ARHGAP29: variants seen among roughly 807,000 people sequenced by gnomAD.
ARHGAP29 encodes the protein Rho GTPase activating protein 29.
Under a neutral mutation model 122.6 loss-of-function variants are expected in ARHGAP29, and 43 were observed. That is an observed-to-expected ratio of 0.35 (90% CI 0.27 to 0.45). The LOEUF (loss-of-function observed/expected upper bound fraction) is 0.45, where lower values mean the gene tolerates loss of function less well. ARHGAP29 is among the 20% of genes least tolerant of loss of function. ARHGAP29 has a pLI of 1.00. For synonymous variants in ARHGAP29, 506 were observed against 497.1 expected (o/e 1.02, Z -0.24); for missense variants, 1,303 against 1,477.2 (o/e 0.88, Z 1.93).
the ARHGAP29 span, among the ~76,000 whole-genome samples, chr1:94,292,956 T>G: frequency 1.2e-4 from 18 of 152,308 alleles, no homozygotes; most frequent in African/African-American, 4.1e-4. Context: ...TATTGGACCT[T>G]GAACGCCATG....
chr1:94,244,860 T>C (rs1427046171), intron 1 of ARHGAP29, among the ~76,000 whole-genome samples: 1 of 152,144 alleles, frequency 6.6e-6, no homozygotes, highest in African/African-American at 2.4e-5. Flanking sequence ...TGACAAAGAA[T>C]TTGTAACCAA....
intron 12 of ARHGAP29, chr1:94,191,081 T>A (rs985271299): frequency 6.6e-6 from 1 of 152,098 alleles, no homozygotes; most frequent in African/African-American, 2.4e-5. Context: ...AAGAAAGAGA[T>A]GAAAGGTCAA....
intron 3 of ARHGAP29, among the ~76,000 whole-genome samples, chr1:94,213,357 A>AT (rs1347449365): frequency 6.6e-6 from 1 of 151,620 alleles, no homozygotes; most frequent in Non-Finnish European, 1.5e-5. Flanking sequence ...TTTTTTTTGT[A>AT]TTTTTTAGTA....
chr1:94,238,604 G>A (rs1229795983), upstream of ARHGAP29, among the ~76,000 whole-genome samples: 6 of 152,060 alleles, frequency 3.9e-5, no homozygotes, highest in Non-Finnish European at 7.4e-5. Flanking sequence ...TGGGGTCTGC[G>A]AGAAAAATGA....
intron 3 of ARHGAP29, among the ~76,000 whole-genome samples, chr1:94,219,131 G>T (rs1434448833): frequency 6.6e-6 from 1 of 152,112 alleles, no homozygotes; most frequent in Non-Finnish European, 1.5e-5. Context: ...TTGATCACAG[G>T]ATTGCTGTTA....
intron 1 of ARHGAP29, among the ~76,000 whole-genome samples, chr1:94,236,640 C>G (rs1653283330): frequency 6.6e-6 from 1 of 152,060 alleles, no homozygotes; most frequent in African/African-American, 2.4e-5. Context: ...CACGAGGGTT[C>G]CACCTTGAAA....
At chr1:94,240,647 ATT>A (rs970383845), upstream of ARHGAP29, among the ~76,000 whole-genome samples, 1 of 152,078 alleles carries the variant, frequency 6.6e-6, no homozygotes, top group Non-Finnish European at 1.5e-5. Flanking sequence ...GCAACATATA[ATT>A]TTTTTTAAAT....
chr1:94,251,812 C>T (rs185414468), intron 1 of ARHGAP29, among the ~76,000 whole-genome samples: 1 of 152,316 alleles, frequency 6.6e-6, no homozygotes, highest in East Asian at 1.9e-4. Context: ...CAGCATCCCC[C>T]TTTTTGATAC....
At chr1:94,283,087 G>GA in the ARHGAP29 span, among the ~76,000 whole-genome samples, 221 of 151,680 alleles carry the variant, frequency 1.5e-3, 1 homozygote, top group South Asian at 0.012. Context: ...TAACCTTAAG[G>GA]AAAAAAAATA....
At chr1:94,314,353 C>A in the ARHGAP29 span, among the ~76,000 whole-genome samples, 1 of 152,138 alleles carries the variant, frequency 6.6e-6, no homozygotes, top group Admixed American at 6.5e-5. Flanking sequence ...ACCATCTGGG[C>A]GGGCATCAGG....
chr1:94,237,768 C>T (rs1653395664), upstream of ARHGAP29: 2 of 985,316 alleles, frequency 2.0e-6, no homozygotes, highest in South Asian at 4.7e-5. Flanking sequence ...GGACGCTGTC[C>T]CAGCATCACG....
At chr1:94,288,259 A>AT in the ARHGAP29 span, among the ~76,000 whole-genome samples, 1 of 152,226 alleles carries the variant, frequency 6.6e-6, no homozygotes, top group South Asian at 2.1e-4. Context: ...GATGATGAGC[A>AT]TTTTTTCATA....
rs756082347 is a variant in ARHGAP29, at chr1:94,179,876, G to T, written c.2329C>A (p.Gln777Lys). The T allele has an allele frequency of 6.2e-7, 1 of 1,612,740 alleles. No homozygotes were observed. The highest frequency in any genetic ancestry group is 8.5e-7 in the Non-Finnish European group (1 of 1,179,436). ...AKEIQHVNEE[Q>K]ETKKNSLEDK... The stretch of plus-strand genomic sequence containing the variant: ...TCAAGACTATTCTTTTTTGTCTCTT[G>T]TTCTTCATTTACATGTTGGATCTCT... The change falls in exon 20 of 23, where the codon CAA becomes AAA. Residue 777 changes from glutamine to lysine, a missense_variant. Coordinates refer to ENST00000260526, the MANE Select transcript of ARHGAP29 (RefSeq NM_004815.4).
intron 2 of ARHGAP29, among the ~76,000 whole-genome samples, chr1:94,229,311 T>C (rs1298377521): frequency 1.3e-5 from 2 of 151,852 alleles, no homozygotes; most frequent in Non-Finnish European, 1.5e-5. Context: ...TCATGAGATC[T>C]TTGTAATACT....
chr1:94,229,720 T>G (rs1180139995), intron 2 of ARHGAP29, among the ~76,000 whole-genome samples: 2 of 151,694 alleles, frequency 1.3e-5, no homozygotes, highest in Admixed American at 6.6e-5. Flanking sequence ...GGTAGTCTCT[T>G]TCTGTATCTT....
In ARHGAP29 at chr1:94,235,632, A is replaced by G. The variant is rs574134499; in HGVS notation, c.-33+1783T>C. ...CTAAAAAGCTTCCAAGTGAAATTTG[A>G]ACTGTGCAAATAGACTTGTGCAAAA... On this transcript the variant is annotated intron_variant, in intron 1 of 22. Coordinates refer to ENST00000260526, the MANE Select transcript of ARHGAP29 (RefSeq NM_004815.4). Among the ~76,000 whole-genome samples the G allele has an allele frequency of 3.9e-4, 59 of 152,342 alleles. 1 individual carries two copies. The East Asian group carries it at 0.01, about 27-fold the overall frequency.
At chr1:94,241,304 T>G (rs187416958), upstream of ARHGAP29, among the ~76,000 whole-genome samples, 16 of 152,316 alleles carry the variant, frequency 1.1e-4, no homozygotes, top group East Asian at 3.1e-3. Context: ...GAAAAATCTC[T>G]AGATTATCCT....
chr1:94,305,802 A>G, the ARHGAP29 span, among the ~76,000 whole-genome samples: 4 of 152,366 alleles, frequency 2.6e-5, no homozygotes, highest in East Asian at 7.7e-4. Context: ...CTAAGAATAC[A>G]TTGATGGTTC....
At chr1:94,207,056 T>G (rs1651247959) in intron 5 of ARHGAP29, among the ~76,000 whole-genome samples, 1 of 151,736 alleles carries the variant, frequency 6.6e-6, no homozygotes, top group Non-Finnish European at 1.5e-5. Context: ...TCACCCAGGC[T>G]GGAGTGCAGC....
Sources: gnomAD v4.1 joint callset for allele counts (sites outside exome capture counted in the v4.1 genomes callset) on GRCh38, gnomAD v4.1.1 for gene constraint, MANE v1.5 for transcripts, NCBI Gene and HGNC (gene_info 2026-07-23, HGNC 2026-07-21) for gene names.